The following NEK11 variants were observed in gnomAD, a reference collection of about 807,000 sequenced individuals.
NEK11 encodes serine/threonine-protein kinase Nek11.
In NEK11, 72 loss-of-function variants were observed where a neutral mutation model predicts 80.7. The ratio of observed to expected loss-of-function variants is 0.89; its 90% CI spans 0.74 to 1.08. NEK11 has a LOEUF of 1.08. Among genes scored for constraint, NEK11 ranks in the 50% least tolerant of loss-of-function variants. The pLI is 0.00. For missense variants in NEK11, 764 were observed against 763.6 expected (o/e 1.00, Z -0.01); for synonymous variants, 251 against 260.7 (o/e 0.96, Z 0.36).
chr3:131,028,553 TTTTTG>T lies in NEK11; in HGVS notation c.-97+556_-97+560del, dbSNP rs995217816. ...ATATGAAACAGTCCTGCCTTTCTTT[TTTTTG>T]TTTTTGTTTTTGTTTTTGTTTTTGT... On this transcript the variant is annotated intron_variant, in intron 2 of 17. Coordinates refer to ENST00000383366, the MANE Select transcript of NEK11 (RefSeq NM_024800.5). 9.6e-5 allele frequency among the ~76,000 whole-genome samples: 5 copies of T among 52,340 alleles called. No individual in the cohort carries two copies. In the East Asian group the frequency reaches 1.4e-3, roughly 14 times the overall value. 34.3% of individuals were successfully genotyped at this position (52,340 alleles called of 152,430 possible).
chr3:131,339,130 T>TAC (rs1357817901), intron 17 of NEK11, among the ~76,000 whole-genome samples: 1 of 152,180 alleles, frequency 6.6e-6, no homozygotes, highest in African/African-American at 2.4e-5. Context: ...GAGAAAGAAT[T>TAC]ACTCATGATT....
chr3:131,050,517 A>G (rs1184447706), intron 3 of NEK11, among the ~76,000 whole-genome samples: 1 of 152,246 alleles, frequency 6.6e-6, no homozygotes, highest in Admixed American at 6.5e-5. Context: ...GGTTTATTAA[A>G]TCATTCTTAG....
intron 7 of NEK11, among the ~76,000 whole-genome samples, chr3:131,144,578 A>T (rs921641980): frequency 6.6e-6 from 1 of 152,188 alleles, no homozygotes; most frequent in Non-Finnish European, 1.5e-5. Flanking sequence ...TACCTACCGT[A>T]TGTATTTAAC....
Position 131,152,450 on chromosome 3 carries a change from T to C in NEK11, c.710T>C (p.Phe237Ser). ...CMNHAFAGSN[F>S]LSIVLKIVEG... ...AATCATGCATTCGCTGGCTCCAATT[T>C]CTTATCCATTGTTTTAAAAATTGTT... Residue 237 changes from phenylalanine to serine, a missense_variant, in exon 8 of 18, where the codon TTC becomes TCC. Transcript: ENST00000383366. The C allele has an allele frequency of 6.2e-7, 1 of 1,614,028 alleles. No individual in the cohort carries two copies. Among genetic ancestry groups the C allele is most frequent in the South Asian group, 1.1e-5 (1 of 91,068 alleles).
chr3:131,084,972 GAA>G (rs1269635757), intron 4 of NEK11, among the ~76,000 whole-genome samples: 2 of 152,186 alleles, frequency 1.3e-5, no homozygotes, highest in South Asian at 4.1e-4. Flanking sequence ...AGTCATAAAG[GAA>G]AAATTTGTCA....
chr3:131,292,077 A>AT (rs1160040324), intron 17 of NEK11, among the ~76,000 whole-genome samples: 1 of 152,216 alleles, frequency 6.6e-6, no homozygotes, highest in Non-Finnish European at 1.5e-5. Context: ...TCTATGATCC[A>AT]TTTTGAGATA....
chr3:131,340,127 T>G (rs1341039502), intron 17 of NEK11, among the ~76,000 whole-genome samples: 1 of 152,230 alleles, frequency 6.6e-6, no homozygotes, highest in Admixed American at 6.5e-5. Context: ...GATAACAGAA[T>G]CAGATCTATT....
intron 5 of NEK11, among the ~76,000 whole-genome samples, chr3:131,120,256 A>T (rs1005141442): frequency 1.3e-5 from 2 of 152,196 alleles, no homozygotes; most frequent in African/African-American, 4.8e-5. Flanking sequence ...TTGGCTGGAT[A>T]TGAAATTCTG....
chr3:131,228,448 C>A, intron 14 of NEK11, 80 bp from the exon 15 acceptor site: 1 of 1,255,524 alleles, frequency 8.0e-7, no homozygotes, highest in Non-Finnish European at 1.1e-6. Context: ...AAATATACAT[C>A]CCTGTGAAAA....
chr3:131,160,434 A>C (rs1664091952), intron 10 of NEK11, among the ~76,000 whole-genome samples: 1 of 152,312 alleles, frequency 6.6e-6, no homozygotes, highest in Admixed American at 6.5e-5. Flanking sequence ...GGAAGCACTA[A>C]ATATAGAAAG....
At chr3:131,307,611 T>C (rs1416160901) in intron 17 of NEK11, among the ~76,000 whole-genome samples, 1 of 152,174 alleles carries the variant, frequency 6.6e-6, no homozygotes, top group African/African-American at 2.4e-5. Flanking sequence ...GTGCTGACCA[T>C]AGTTGTTGTG....
chr3:131,335,825 C>T (rs1260673708), intron 17 of NEK11, among the ~76,000 whole-genome samples: 1 of 152,094 alleles, frequency 6.6e-6, no homozygotes, highest in Non-Finnish European at 1.5e-5. Context: ...ACATCAATAA[C>T]AGACAAACAG....
chr3:131,162,444 G>A lies in NEK11; in HGVS notation c.999G>A (p.Leu333=), dbSNP rs374004112. ...TCCACCTGCAGACTCTGAGGGCACT[G>A]TCAGAAGTACAGAAAATGACGCCAA... ...KRIHLQTLRA[L]SEVQKMTPRE... is the part of the protein sequence containing the mutation. Residue 333 remains leucine, a synonymous_variant, in exon 11 of 18, where the codon CTG becomes CTA. Coordinates refer to ENST00000383366, the MANE Select transcript of NEK11 (RefSeq NM_024800.5). The A allele has an allele frequency of 1.9e-6, 3 of 1,614,110 alleles. No homozygotes were observed. The highest frequency in any genetic ancestry group is 2.5e-6 in the Non-Finnish European group (3 of 1,179,972).
intron 16 of NEK11, among the ~76,000 whole-genome samples, chr3:131,249,752 A>G (rs935539582): frequency 1.3e-5 from 2 of 152,140 alleles, no homozygotes; most frequent in Non-Finnish European, 2.9e-5. Context: ...AAGGATGTTA[A>G]CATTTCCTCA....
intron 17 of NEK11, among the ~76,000 whole-genome samples, chr3:131,312,736 C>A (rs1052011195): frequency 6.6e-6 from 1 of 152,052 alleles, no homozygotes; most frequent in Non-Finnish European, 1.5e-5. Flanking sequence ...AGTTTCAGAA[C>A]CCCTAAGATG....
chr3:131,051,736 C>G (rs1325425778), intron 3 of NEK11, among the ~76,000 whole-genome samples: 1 of 152,048 alleles, frequency 6.6e-6, no homozygotes, highest in Non-Finnish European at 1.5e-5. Context: ...AGTCTGGTCT[C>G]AAACTCCTGG....
intron 17 of NEK11, among the ~76,000 whole-genome samples, chr3:131,333,480 A>G (rs904947145): frequency 2.0e-5 from 3 of 152,172 alleles, no homozygotes; most frequent in African/African-American, 7.2e-5. Context: ...CTAAACATGG[A>G]AAGGAACAAC....
chr3:131,084,902 C>A (rs769591106), intron 4 of NEK11, among the ~76,000 whole-genome samples: 15 of 152,028 alleles, frequency 9.9e-5, no homozygotes, highest in Non-Finnish European at 1.8e-4. Flanking sequence ...CTGAGAATGG[C>A]AAAATAAATA....
intron 7 of NEK11, among the ~76,000 whole-genome samples, chr3:131,141,989 C>T (rs551513089): frequency 6.6e-6 from 1 of 152,314 alleles, no homozygotes; most frequent in Admixed American, 6.5e-5. Flanking sequence ...CAAAAAATCT[C>T]AGGTACTTCA....
Sources: allele counts gnomAD v4.1 joint callset (sites outside exome capture counted in the v4.1 genomes callset), GRCh38; gene constraint gnomAD v4.1.1; transcripts MANE v1.5; gene names NCBI Gene and HGNC (gene_info 2026-07-23, HGNC 2026-07-21).